TBC1D2B: variants seen among roughly 807,000 people sequenced by gnomAD.
TBC1D2B encodes the protein TBC1 domain family, member 2B.
A neutral mutation model predicts 100.8 loss-of-function variants in TBC1D2B; 64 were observed. That is an observed-to-expected ratio of 0.64 (90% CI 0.52 to 0.78). TBC1D2B has a LOEUF of 0.78. TBC1D2B is among the 30% of genes least tolerant of loss of function. The pLI is 0.00. For missense variants in TBC1D2B, 1,052 were observed against 1,218.4 expected (o/e 0.86, Z 2.03); for synonymous variants, 480 against 479.7 (o/e 1.00, Z -0.01).
chr15:78,029,159 C>T (rs988260191), intron 4 of TBC1D2B, among the ~76,000 whole-genome samples: 1 of 151,960 alleles, frequency 6.6e-6, no homozygotes, highest in African/African-American at 2.4e-5. Context: ...CAGGTTCACG[C>T]CATTCTCCTG....
chr15:78,076,284 G>A (rs2073827818), intron 1 of TBC1D2B, among the ~76,000 whole-genome samples: 1 of 152,138 alleles, frequency 6.6e-6, no homozygotes, highest in South Asian at 2.1e-4. Context: ...AAAGGAGCAA[G>A]GCATAACTGG....
intron 10 of TBC1D2B, among the ~76,000 whole-genome samples, chr15:78,006,715 A>C (rs192486739): frequency 1.1e-3 from 171 of 152,294 alleles, no homozygotes; most frequent in Non-Finnish European, 2.3e-3. Flanking sequence ...CCCAAGTCAA[A>C]TAGGGATACT....
At chr15:78,054,622 A>C (rs947206301) in intron 1 of TBC1D2B, among the ~76,000 whole-genome samples, 1 of 152,224 alleles carries the variant, frequency 6.6e-6, no homozygotes, top group Admixed American at 6.5e-5. Flanking sequence ...TACAAAGAAA[A>C]CTGCAGATTA....
At chr15:78,072,740 C>T (rs2073760119) in intron 1 of TBC1D2B, among the ~76,000 whole-genome samples, 1 of 152,200 alleles carries the variant, frequency 6.6e-6, no homozygotes, top group Admixed American at 6.5e-5. Flanking sequence ...AAGATCAAGG[C>T]TGTTTAAGCT....
chr15:78,076,447 C>T (rs536839305), intron 1 of TBC1D2B, among the ~76,000 whole-genome samples: 5 of 152,334 alleles, frequency 3.3e-5, no homozygotes, highest in Admixed American at 2.0e-4. Flanking sequence ...CCATCTGACT[C>T]TTTCTGTCTA....
At chr15:78,074,500 A>G (rs1200138399) in intron 1 of TBC1D2B, among the ~76,000 whole-genome samples, 1 of 152,232 alleles carries the variant, frequency 6.6e-6, no homozygotes, top group Non-Finnish European at 1.5e-5. Flanking sequence ...AAATATTCTG[A>G]ACCTACAAAA....
chr15:78,053,938 C>G, intron 2 of TBC1D2B, 96 bp downstream of exon 2: 1 of 1,318,308 alleles, frequency 7.6e-7, no homozygotes, highest in Non-Finnish European at 1.0e-6. Flanking sequence ...TTATTATTTT[C>G]TTTCTAAATT....
chr15:78,013,738 A>C (rs1416822447), intron 8 of TBC1D2B, among the ~76,000 whole-genome samples: 1 of 151,426 alleles, frequency 6.6e-6, no homozygotes, highest in African/African-American at 2.4e-5. Flanking sequence ...TTAAAAAAAA[A>C]CAAAGAATGT....
chr15:78,025,222 G>A (rs762761623), intron 5 of TBC1D2B, 37 bp downstream of exon 5: 1 of 1,577,876 alleles, frequency 6.3e-7, no homozygotes, highest in Admixed American at 1.7e-5. Flanking sequence ...TTGGCCTGCT[G>A]AGGTGGGGTA....
intron 3 of TBC1D2B, among the ~76,000 whole-genome samples, chr15:78,036,034 T>C (rs568438103): frequency 2.6e-5 from 4 of 152,310 alleles, no homozygotes; most frequent in East Asian, 3.9e-4. Context: ...AGATAAGCCA[T>C]GTCTGAGCGA....
chr15:78,029,117 C>T (rs796071773), intron 4 of TBC1D2B, among the ~76,000 whole-genome samples: 7 of 150,462 alleles, frequency 4.7e-5, no homozygotes, highest in Non-Finnish European at 8.8e-5. Context: ...AGTGCAGTGG[C>T]GCGATCTCCA....
At chr15:78,044,308 A>C (rs958582986) in intron 3 of TBC1D2B, among the ~76,000 whole-genome samples, 3 of 152,152 alleles carry the variant, frequency 2.0e-5, no homozygotes, top group Non-Finnish European at 2.9e-5. Flanking sequence ...TCTTTAAAAA[A>C]CAAGTCAACC....
In TBC1D2B at chr15:78,070,554, G is replaced by A. The variant is rs192224619; in HGVS notation, c.360+6739C>T. 9.2e-5 allele frequency among the ~76,000 whole-genome samples: 14 copies of A among 152,330 alleles called. No individual in the cohort carries two copies. In the East Asian group the frequency reaches 2.7e-3, roughly 29 times the overall value. ...AGTGAATGAGTGGGAAGCTCCTGAG[G>A]CCTTCCTAGAACACAAGTCAGTGAA... On this transcript the variant is annotated intron_variant, in intron 1 of 12. Coordinates refer to ENST00000300584, the MANE Select transcript of TBC1D2B (RefSeq NM_144572.2).
rs1375771954 is a variant in TBC1D2B at position 77,997,317 on chromosome 15, C to T, written c.*843G>A. ...GCCTGCTTTGCAATATGACGGTCCA[C>T]TGTTTACTTGGAATCCCATCCCATC... is the stretch of plus-strand genomic sequence containing the variant. On this transcript the variant is annotated 3_prime_UTR_variant, in exon 13 of 13. Coordinates refer to ENST00000300584, the MANE Select transcript of TBC1D2B (RefSeq NM_144572.2). The T allele has an allele frequency of 6.6e-6, 1 of 152,278 alleles. No homozygotes were observed. Among genetic ancestry groups the T allele is most frequent in the Non-Finnish European group, 1.5e-5 (1 of 68,056 alleles). The allele number at this position is 152,278 out of a possible 1,614,324, so 9.4% of individuals were successfully genotyped here.
Position 78,017,990 on chromosome 15 carries a change from A to G in TBC1D2B, c.1471-33T>C, listed in dbSNP as rs763596954. The stretch of plus-strand genomic sequence containing the variant: ...AAAAAAAAAAAATCCCTGAATTCAC[A>G]TTGGTTGAATATTGACTAATTAATT... On this transcript the variant is annotated intron_variant, in intron 6 of 12. Coordinates refer to ENST00000300584, the MANE Select transcript of TBC1D2B (RefSeq NM_144572.2). The G allele has an allele frequency of 2.0e-5, 24 of 1,213,804 alleles. No individual in the cohort carries two copies. The East Asian group carries it at 5.9e-4, about 30-fold the overall frequency. 75.2% of individuals were successfully genotyped at this position (1,213,804 alleles called of 1,614,324 possible). A position where few individuals can be genotyped will look rare whatever the true frequency, so the allele number is the denominator to read the frequency against.
intron 2 of TBC1D2B, among the ~76,000 whole-genome samples, chr15:78,050,812 T>A (rs1239067734): frequency 6.6e-6 from 1 of 152,148 alleles, no homozygotes; most frequent in Non-Finnish European, 1.5e-5. Context: ...AGAAAAAAAA[T>A]TAATGTAAGC....
intron 4 of TBC1D2B, among the ~76,000 whole-genome samples, chr15:78,029,637 A>C (rs2141713823): frequency 6.6e-6 from 1 of 152,304 alleles, no homozygotes; most frequent in Non-Finnish European, 1.5e-5. Flanking sequence ...AAGAAGAGAG[A>C]CCATAGTTCA....
chr15:78,021,765 G>A (rs2072521777), intron 6 of TBC1D2B, among the ~76,000 whole-genome samples: 1 of 152,190 alleles, frequency 6.6e-6, no homozygotes, highest in Admixed American at 6.5e-5. Flanking sequence ...GTTGAGAAAT[G>A]TTGGAGGAAA....
chr15:78,066,234 T>C (rs562567599), intron 1 of TBC1D2B: 95 of 344,620 alleles, frequency 2.8e-4, no homozygotes, highest in African/African-American at 4.3e-4. Context: ...CTCTGCAGCA[T>C]AGAAACTCAG....
Sources: allele counts gnomAD v4.1 joint callset (sites outside exome capture counted in the v4.1 genomes callset), GRCh38; gene constraint gnomAD v4.1.1; transcripts MANE v1.5; gene names NCBI Gene and HGNC (gene_info 2026-07-23, HGNC 2026-07-21).